MYO1H: variants seen among roughly 807,000 people sequenced by gnomAD.
The protein encoded by MYO1H is unconventional myosin-Ih.
In MYO1H, 118 loss-of-function variants were observed where a neutral mutation model predicts 149.3. That is an observed-to-expected ratio of 0.79 (90% CI 0.68 to 0.92). MYO1H has a LOEUF of 0.92. Ranked by LOEUF, MYO1H falls within the 40% of genes least tolerant of loss-of-function variation. The pLI is 0.00. For missense variants in MYO1H, 1,212 were observed against 1,280.7 expected, an observed-to-expected ratio of 0.95 and a Z score of 0.82; for synonymous variants, 447 against 465.2, an observed-to-expected ratio of 0.96 and a Z score of 0.50.
chr12:109,383,146 G>T (rs753746514), intron 1 of MYO1H, among the ~76,000 whole-genome samples: 127 of 152,180 alleles, frequency 8.3e-4, no homozygotes, highest in Non-Finnish European at 1.5e-3. Flanking sequence ...AATCAGAAAG[G>T]TCTGCTTTCC....
At chr12:109,335,578 C>CAA in the MYO1H span, among the ~76,000 whole-genome samples, 6,035 of 148,596 alleles carry the variant, frequency 0.041, 181 homozygotes, top group Admixed American at 0.093. Flanking sequence ...AACAAACAAA[C>CAA]AAAAAAAAAA....
chr12:109,386,880 T>A (rs540390039), intron 1 of MYO1H, among the ~76,000 whole-genome samples: 2 of 152,260 alleles, frequency 1.3e-5, no homozygotes, highest in African/African-American at 4.8e-5. Flanking sequence ...TCTTCCTGGC[T>A]CTCATCTAAG....
chr12:109,416,020 G>A (rs1592805112), intron 15 of MYO1H, among the ~76,000 whole-genome samples: 1 of 151,826 alleles, frequency 6.6e-6, no homozygotes, highest in East Asian at 1.9e-4. Context: ...TCAGCTCACT[G>A]CAACCTCCGC....
chr12:109,446,466 A>C (rs1872482491), intron 31 of MYO1H: 3 of 985,318 alleles, frequency 3.0e-6, no homozygotes, highest in Non-Finnish European at 3.6e-6. Flanking sequence ...GGATTTACCT[A>C]TAAAGTCATT....
At position 109,436,537 on chromosome 12, in the gene MYO1H, C is replaced by A; in HGVS notation, c.2190C>A (p.Tyr730Ter). 3.1e-6 allele frequency: 5 copies of A among 1,608,306 alleles called. No homozygotes were observed. Among genetic ancestry groups the A allele is most frequent in the East Asian group, 2.2e-5 (1 of 44,782 alleles). The change falls in exon 22 of 32, where the codon TAC becomes TAA. Residue 730 changes from tyrosine (Y) to a stop codon, truncating the protein, a stop_gained. Transcript: ENST00000310903. LOFTEE classifies it high-confidence loss of function. Reference sequence around the variant, plus strand: ...AACGCTGCCTAGGAAGGAGAGAATACGTGAAAAAAAGACAAGCAGGTAAGA... The same window carrying A: ...AACGCTGCCTAGGAAGGAGAGAATAAGTGAAAAAAAGACAAGCAGGTAAGA...
chr12:109,338,129 C>T, the MYO1H span, among the ~76,000 whole-genome samples: 3,942 of 152,162 alleles, frequency 0.026, 71 homozygotes, highest in Middle Eastern at 0.061. Context: ...AGTGTGGTGG[C>T]GCCATTATGG....
chr12:109,321,808 A>G, the MYO1H span, among the ~76,000 whole-genome samples: 1 of 150,962 alleles, frequency 6.6e-6, no homozygotes, highest in African/African-American at 2.5e-5. Context: ...ATACAGAGAA[A>G]TAGACATACA....
intron 1 of MYO1H, among the ~76,000 whole-genome samples, chr12:109,355,593 G>A (rs1868572672): frequency 6.6e-6 from 1 of 152,160 alleles, no homozygotes; most frequent in African/African-American, 2.4e-5. Context: ...CCACCAGGAT[G>A]CTAAAGTTTG....
intron 1 of MYO1H, among the ~76,000 whole-genome samples, chr12:109,349,655 T>G: frequency 1.0e-5 from 1 of 98,254 alleles, no homozygotes; most frequent in Non-Finnish European, 2.0e-5. Context: ...TGAAACCCTG[T>G]CTCAAAAAAA....
At chr12:109,390,202 T>C (rs992945075) in intron 2 of MYO1H, among the ~76,000 whole-genome samples, 19 of 150,670 alleles carry the variant, frequency 1.3e-4, no homozygotes, top group African/African-American at 4.4e-4. Context: ...TTTAGCGTAA[T>C]CTTTTTTTCT....
chr12:109,364,981 AAT>A, intron 1 of MYO1H, among the ~76,000 whole-genome samples: 1 of 152,176 alleles, frequency 6.6e-6, no homozygotes, highest in Non-Finnish European at 1.5e-5. Flanking sequence ...ATCAAAAGGC[AAT>A]CTTCAGGCAG....
chr12:109,332,037 C>G, the MYO1H span, among the ~76,000 whole-genome samples: 21 of 152,186 alleles, frequency 1.4e-4, no homozygotes, highest in Admixed American at 1.4e-3. Flanking sequence ...CATGGGGTGT[C>G]GTAAGGAGCA....
the MYO1H span, among the ~76,000 whole-genome samples, chr12:109,331,659 A>T: frequency 6.6e-6 from 1 of 152,198 alleles, no homozygotes; most frequent in Non-Finnish European, 1.5e-5. Flanking sequence ...CTTTCAGGAA[A>T]GAGAAAAAGG....
chr12:109,315,807 A>G, the MYO1H span, among the ~76,000 whole-genome samples: 2 of 152,226 alleles, frequency 1.3e-5, no homozygotes, highest in Non-Finnish European at 2.9e-5. Context: ...GAAGACAAAA[A>G]TAAAATATCT....
intron 14 of MYO1H, among the ~76,000 whole-genome samples, chr12:109,413,782 C>T (rs1424926798): frequency 2.0e-5 from 3 of 152,126 alleles, no homozygotes; most frequent in South Asian, 2.1e-4. Context: ...TGGTGGTACA[C>T]GCCTGTAGTT....
intron 2 of MYO1H, 52 bp downstream of exon 2, chr12:109,388,896 G>T: frequency 6.5e-7 from 1 of 1,548,882 alleles, no homozygotes; most frequent in Non-Finnish European, 8.8e-7. Context: ...TTCCCTTCTT[G>T]CCTTCACGAC....
At chr12:109,313,254 C>G in the MYO1H span, among the ~76,000 whole-genome samples, 1 of 151,946 alleles carries the variant, frequency 6.6e-6, no homozygotes. Context: ...CTCAAAAAAA[C>G]AAACCAAAAA....
intron 30 of MYO1H, among the ~76,000 whole-genome samples, chr12:109,444,999 G>A (rs1488481859): frequency 6.6e-6 from 1 of 151,982 alleles, no homozygotes; most frequent in African/African-American, 2.4e-5. Context: ...TTACATCCTC[G>A]CCCCTTCCCA....
intron 14 of MYO1H, among the ~76,000 whole-genome samples, chr12:109,412,952 A>ATTT (rs1299994486): frequency 5.0e-4 from 57 of 113,268 alleles, no homozygotes; most frequent in African/African-American, 2.3e-3. Flanking sequence ...CGCCCGGCTA[A>ATTT]TTTGTTGTTG....
Sources: gnomAD v4.1 joint callset for allele counts (sites outside exome capture counted in the v4.1 genomes callset) on GRCh38, gnomAD v4.1.1 for gene constraint, MANE v1.5 for transcripts, NCBI Gene and HGNC (gene_info 2026-07-23, HGNC 2026-07-21) for gene names.